UTRN: variants seen among roughly 807,000 people sequenced by gnomAD.
UTRN encodes the protein utrophin.
In UTRN, 283 loss-of-function variants were observed where a neutral mutation model predicts 463.9. That is an observed-to-expected ratio of 0.61 (90% CI 0.55 to 0.67). The LOEUF is 0.67. UTRN is among the 30% of genes least tolerant of loss of function. The pLI is 0.00. For synonymous variants in UTRN, 1,442 were observed against 1,431.5 expected (o/e 1.01, Z -0.17); for missense variants, 3,922 against 4,084.3 (o/e 0.96, Z 1.08).
At chr6:144,502,746 A>G (rs1025481188) in intron 34 of UTRN, among the ~76,000 whole-genome samples, 1 of 152,150 alleles carries the variant, frequency 6.6e-6, no homozygotes, top group Non-Finnish European at 1.5e-5. Flanking sequence ...GAGTAGAATG[A>G]TTTATAATCC....
rs369929201 is a variant in UTRN at position 144,678,252 on chromosome 6, T to C, written c.7480-154T>C. ...CTGGAGGTACTGAAGATTTAAAGAC[T>C]ATAATTTTCAGAATAATAAGAATTT... is the stretch of plus-strand genomic sequence containing the variant. On this transcript the variant is annotated intron_variant, in intron 51 of 74. Coordinates refer to ENST00000367545, the MANE Select transcript of UTRN (RefSeq NM_007124.3). 3.3e-5 allele frequency among the ~76,000 whole-genome samples: 5 copies of C among 152,322 alleles called. No homozygotes were observed. The East Asian group carries it at 9.6e-4, about 29-fold the overall frequency.
At chr6:144,552,458 C>G (rs967723185) in intron 48 of UTRN, among the ~76,000 whole-genome samples, 5 of 152,184 alleles carry the variant, frequency 3.3e-5, no homozygotes, top group Non-Finnish European at 7.3e-5. Context: ...TTTGCTTTTT[C>G]TATCATCTTG....
intron 54 of UTRN, among the ~76,000 whole-genome samples, chr6:144,732,345 G>A (rs1056268914): frequency 6.7e-6 from 1 of 149,010 alleles, no homozygotes; most frequent in Admixed American, 6.8e-5. Flanking sequence ...ACATACTCAT[G>A]TGCACACACA....
chr6:144,760,395 A>G (rs1792523339), intron 58 of UTRN, among the ~76,000 whole-genome samples: 1 of 152,214 alleles, frequency 6.6e-6, no homozygotes, highest in Non-Finnish European at 1.5e-5. Flanking sequence ...AATCTTCTCC[A>G]TCACCAGTAA....
chr6:144,653,251 C>T (rs996846164), intron 51 of UTRN, among the ~76,000 whole-genome samples: 2 of 152,162 alleles, frequency 1.3e-5, no homozygotes, highest in African/African-American at 2.4e-5. Context: ...AGGATATGTA[C>T]GTGCATACAT....
intron 2 of UTRN, among the ~76,000 whole-genome samples, chr6:144,370,418 G>A (rs1001271024): frequency 2.0e-5 from 3 of 152,216 alleles, no homozygotes; most frequent in Admixed American, 2.0e-4. Context: ...ACCTGTAGGT[G>A]CACAGAAGTC....
chr6:144,824,406 T>TCA (rs1779861868), intron 66 of UTRN, among the ~76,000 whole-genome samples: 1 of 140,840 alleles, frequency 7.1e-6, no homozygotes, highest in Non-Finnish European at 1.5e-5. Context: ...TATAAAACCA[T>TCA]TATATATATA....
At chr6:144,656,630 GT>G (rs1562717112) in intron 51 of UTRN, among the ~76,000 whole-genome samples, 1 of 152,124 alleles carries the variant, frequency 6.6e-6, no homozygotes, top group Non-Finnish European at 1.5e-5. Context: ...ATGATGAAAT[GT>G]GCTCACTTTT....
chr6:144,288,736 A>G (rs1001752461), intron 1 of UTRN, among the ~76,000 whole-genome samples: 1 of 149,872 alleles, frequency 6.7e-6, no homozygotes, highest in African/African-American at 2.5e-5. Flanking sequence ...AATCCTTTAT[A>G]TCCAACTCTC....
chr6:144,299,160 T>A (rs1362574948), intron 2 of UTRN, among the ~76,000 whole-genome samples: 3 of 152,204 alleles, frequency 2.0e-5, no homozygotes, highest in Admixed American at 6.5e-5. Flanking sequence ...CATATGGAGT[T>A]CCTAATTCAA....
chr6:144,453,001 C>T (rs1208349531), intron 18 of UTRN, among the ~76,000 whole-genome samples: 3 of 150,958 alleles, frequency 2.0e-5, no homozygotes, highest in Admixed American at 6.6e-5. Context: ...AGCATATTTA[C>T]TATTTTCATT....
chr6:144,550,493 G>A (rs929284350), intron 47 of UTRN, among the ~76,000 whole-genome samples: 3 of 152,094 alleles, frequency 2.0e-5, no homozygotes, highest in Admixed American at 1.3e-4. Context: ...TGTCTAAGAG[G>A]ATTTAATTTA....
chr6:144,830,450 T>A (rs1780569081), intron 69 of UTRN, among the ~76,000 whole-genome samples: 1 of 152,140 alleles, frequency 6.6e-6, no homozygotes, highest in South Asian at 2.1e-4. Flanking sequence ...AGAGCCTTTT[T>A]AAAAATAATT....
chr6:144,654,382 A>G (rs1980379), intron 51 of UTRN, among the ~76,000 whole-genome samples: 2 of 152,102 alleles, frequency 1.3e-5, no homozygotes, highest in African/African-American at 2.4e-5. Context: ...CTCTGTGTTT[A>G]CCCAATGTTC....
chr6:144,485,541 G>T, intron 28 of UTRN, 22 bp downstream of exon 28: 1 of 1,613,826 alleles, frequency 6.2e-7, no homozygotes, highest in Non-Finnish European at 8.5e-7. Flanking sequence ...TGATCTCCAC[G>T]GCATTTCTCT....
At chr6:144,460,898 G>A (rs1789339969) in intron 21 of UTRN, among the ~76,000 whole-genome samples, 1 of 152,154 alleles carries the variant, frequency 6.6e-6, no homozygotes, top group South Asian at 2.1e-4. Flanking sequence ...GAGATTATAT[G>A]GAACAAAAGG....
chr6:144,433,292 G>C (rs1178996686), intron 9 of UTRN, among the ~76,000 whole-genome samples: 15 of 147,842 alleles, frequency 1.0e-4, no homozygotes, highest in South Asian at 8.7e-4. Flanking sequence ...CCTCCCGGAC[G>C]GGGCGGCTGG....
intron 51 of UTRN, among the ~76,000 whole-genome samples, chr6:144,648,647 A>T (rs1206344126): frequency 6.6e-6 from 1 of 152,188 alleles, no homozygotes; most frequent in Non-Finnish European, 1.5e-5. Context: ...ATGAGTGCAG[A>T]TCTGCAGGGT....
chr6:144,436,973 A>G (rs1786624391), intron 10 of UTRN, among the ~76,000 whole-genome samples: 1 of 142,394 alleles, frequency 7.0e-6, no homozygotes, highest in Non-Finnish European at 1.5e-5. Flanking sequence ...TTTTTTTTTT[A>G]ACAGAGTCTT....
Sources: gnomAD v4.1 joint callset for allele counts (sites outside exome capture counted in the v4.1 genomes callset) on GRCh38, gnomAD v4.1.1 for gene constraint, MANE v1.5 for transcripts, NCBI Gene and HGNC (gene_info 2026-07-23, HGNC 2026-07-21) for gene names.